The following SORCS1 variants were observed in gnomAD, a reference collection of about 807,000 sequenced individuals.
The protein encoded by SORCS1 is VPS10 domain-containing receptor SorCS1.
A neutral mutation model predicts 146.1 loss-of-function variants in SORCS1; 60 were observed. That is an observed-to-expected ratio of 0.41 (90% CI 0.33 to 0.51). The LOEUF (loss-of-function observed/expected upper bound fraction) is 0.51. Ranked by LOEUF, SORCS1 falls within the 20% of genes least tolerant of loss-of-function variation. The pLI is 0.21. For missense variants in SORCS1, 1,352 were observed against 1,487.6 expected (o/e 0.91, Z 1.50); for synonymous variants, 637 against 584.0 (o/e 1.09, Z -1.31).
At chr10:106,899,796 G>C (rs921296795) in intron 2 of SORCS1, among the ~76,000 whole-genome samples, 2 of 151,928 alleles carry the variant, frequency 1.3e-5, no homozygotes, top group African/African-American at 4.8e-5. Flanking sequence ...CACCAGCATG[G>C]ATCTTTAGAT....
intron 1 of SORCS1, among the ~76,000 whole-genome samples, chr10:107,075,609 C>G (rs187657882): frequency 7.1e-4 from 108 of 152,208 alleles, no homozygotes; most frequent in African/African-American, 2.4e-3. Flanking sequence ...CTGAATTTCT[C>G]CATTCATATG....
intron 1 of SORCS1, among the ~76,000 whole-genome samples, chr10:106,998,389 A>C (rs1033083653): frequency 6.6e-6 from 1 of 152,116 alleles, no homozygotes; most frequent in Non-Finnish European, 1.5e-5. Context: ...GGCTTCTTTC[A>C]TTTTTTTGAT....
At chr10:106,800,944 C>T (rs1362381284) in intron 3 of SORCS1, among the ~76,000 whole-genome samples, 3 of 152,110 alleles carry the variant, frequency 2.0e-5, no homozygotes, top group Admixed American at 6.6e-5. Context: ...GGGATTAATG[C>T]TATCCCCAGA....
intron 2 of SORCS1, among the ~76,000 whole-genome samples, chr10:106,838,872 T>C (rs1348916371): frequency 1.3e-5 from 2 of 152,226 alleles, no homozygotes; most frequent in Admixed American, 6.5e-5. Flanking sequence ...GTATCTGTTA[T>C]GGAGATCCGT....
intron 3 of SORCS1, among the ~76,000 whole-genome samples, chr10:106,784,206 TAACACAGTGAAACCCCATCTCTACTAAA>T (rs1352300257): frequency 6.6e-6 from 1 of 152,024 alleles, no homozygotes; most frequent in East Asian, 1.9e-4. Flanking sequence ...CCATCCTGGC[TAACACAGTGAAACCCCATCTCTACTAAA>T]AATACAAAAA....
At chr10:106,598,105 T>C (rs1023213931) in intron 23 of SORCS1, among the ~76,000 whole-genome samples, 1 of 151,998 alleles carries the variant, frequency 6.6e-6, no homozygotes, top group Non-Finnish European at 1.5e-5. Flanking sequence ...GTAGAAATAG[T>C]GTAAGGTAAG....
intron 22 of SORCS1, among the ~76,000 whole-genome samples, chr10:106,610,426 G>T (rs949143609): frequency 6.6e-6 from 1 of 151,822 alleles, no homozygotes; most frequent in Non-Finnish European, 1.5e-5. Flanking sequence ...CTTATTTGGG[G>T]GATTAAATGT....
chr10:107,059,955 C>T (rs964960930), intron 1 of SORCS1, among the ~76,000 whole-genome samples: 6 of 151,622 alleles, frequency 4.0e-5, no homozygotes, highest in Admixed American at 1.3e-4. Context: ...AATTGAATTA[C>T]GAAGTACATT....
At chr10:106,875,526 AAGG>A (rs1950561939) in intron 2 of SORCS1, among the ~76,000 whole-genome samples, 1 of 152,072 alleles carries the variant, frequency 6.6e-6, no homozygotes, top group Non-Finnish European at 1.5e-5. Flanking sequence ...TCAGTTCTTT[AAGG>A]AATCTCCATA....
chr10:106,586,147 A>G (rs1267212504), intron 24 of SORCS1, among the ~76,000 whole-genome samples: 3 of 152,234 alleles, frequency 2.0e-5, no homozygotes. Context: ...TGAGCTCCAC[A>G]TTAGCCAATT....
chr10:106,672,065 T>C (rs983182583), intron 15 of SORCS1, among the ~76,000 whole-genome samples: 1 of 152,204 alleles, frequency 6.6e-6, no homozygotes, highest in Non-Finnish European at 1.5e-5. Context: ...TTCTGAAAGA[T>C]CAGAGTAGAA....
At chr10:106,935,117 T>C (rs1953647229) in intron 2 of SORCS1, among the ~76,000 whole-genome samples, 2 of 152,140 alleles carry the variant, frequency 1.3e-5, no homozygotes, top group Non-Finnish European at 2.9e-5. Flanking sequence ...ATTTTTGGAA[T>C]ACCCACTTAC....
At chr10:106,724,853 A>T (rs886925393) in intron 6 of SORCS1, among the ~76,000 whole-genome samples, 1 of 152,212 alleles carries the variant, frequency 6.6e-6, no homozygotes, top group Non-Finnish European at 1.5e-5. Flanking sequence ...AGTCAAAAAC[A>T]TGATGGCCAG....
At chr10:107,096,919 C>G (rs569685837) in intron 1 of SORCS1, among the ~76,000 whole-genome samples, 63 of 152,278 alleles carry the variant, frequency 4.1e-4, no homozygotes, top group African/African-American at 1.5e-3. Context: ...ATGTAGATTG[C>G]CCATCTCATT....
At chr10:106,955,061 A>G (rs1053552302) in intron 2 of SORCS1, among the ~76,000 whole-genome samples, 1 of 152,226 alleles carries the variant, frequency 6.6e-6, no homozygotes, top group African/African-American at 2.4e-5. Flanking sequence ...GCTAGAGCAG[A>G]GCAGTGGGAC....
chr10:106,678,518 C>A (rs1405940614), intron 12 of SORCS1, among the ~76,000 whole-genome samples: 1 of 152,150 alleles, frequency 6.6e-6, no homozygotes, highest in East Asian at 1.9e-4. Context: ...CATTAGATTT[C>A]AATTTACAGT....
chr10:106,844,992 T>G (rs1949257167), intron 2 of SORCS1, among the ~76,000 whole-genome samples: 1 of 141,094 alleles, frequency 7.1e-6, no homozygotes, highest in African/African-American at 2.6e-5. Context: ...TGTTGGACAT[T>G]TGGGTTGGTT....
At chr10:106,994,063 C>CAAAAAAAAAAA (rs67408221) in intron 1 of SORCS1, among the ~76,000 whole-genome samples, 3 of 80,806 alleles carry the variant, frequency 3.7e-5, no homozygotes, top group Non-Finnish European at 6.8e-5. Flanking sequence ...GACCCCATCT[C>CAAAAAAAAAAA]AAAAAAAAAA....
chr10:106,761,755 C>T (rs1207483883), intron 4 of SORCS1, 94 bp from the exon 5 acceptor site: 3 of 1,078,402 alleles, frequency 2.8e-6, no homozygotes, highest in East Asian at 5.0e-5. Context: ...AATAATAATA[C>T]CCAACATTTA....
Sources: gnomAD v4.1 joint callset for allele counts (sites outside exome capture counted in the v4.1 genomes callset) on GRCh38, gnomAD v4.1.1 for gene constraint, MANE v1.5 for transcripts, NCBI Gene and HGNC (gene_info 2026-07-23, HGNC 2026-07-21) for gene names.